The following DLGAP1 variants were observed in gnomAD, a reference collection of about 807,000 sequenced individuals.
DLGAP1 encodes disks large-associated protein 1.
Under a neutral mutation model 90.8 loss-of-function variants are expected in DLGAP1, and 11 were observed. The observed-to-expected ratio is 0.12, with a 90% CI of 0.08 to 0.20. The LOEUF (loss-of-function observed/expected upper bound fraction) is 0.20. Among genes scored for constraint, DLGAP1 ranks in the 10% least tolerant of loss-of-function variants. The probability of loss-of-function intolerance (pLI) is 1.00; values close to 1 mark genes in which losing one functional copy is unlikely to be tolerated. For missense variants in DLGAP1, 1,050 were observed against 1,333.8 expected (o/e 0.79, Z 3.31); for synonymous variants, 558 against 540.7 (o/e 1.03, Z -0.44).
At chr18:3,914,491 C>A (rs2083670) in intron 3 of DLGAP1, among the ~76,000 whole-genome samples, 2,584 of 152,114 alleles carry the variant, frequency 0.017, 73 homozygotes, top group African/African-American at 0.059. Context: ...TTGTGAATAA[C>A]CCTGCAGTGA....
Position 3,718,242 on chromosome 18 carries a change from C to T in DLGAP1, c.1591+10893G>A, listed in dbSNP as rs775272206. Among the ~76,000 whole-genome samples the T allele has an allele frequency of 3.2e-4, 48 of 151,998 alleles. 1 individual carries two copies. Among genetic ancestry groups the T allele is most frequent in the Admixed American group, 9.2e-4 (14 of 15,252 alleles). ...TTGGGAGGCTGAGGTGGGCGGATCA[C>T]GAGGTCAGGAGCTCGAGACCAGCCT... On this transcript the variant is annotated intron_variant, in intron 7 of 12. Coordinates refer to ENST00000315677, the MANE Select transcript of DLGAP1 (RefSeq NM_004746.4).
intron 7 of DLGAP1, among the ~76,000 whole-genome samples, chr18:3,612,154 G>T (rs2057665122): frequency 6.6e-6 from 1 of 152,216 alleles, no homozygotes; most frequent in East Asian, 1.9e-4. Context: ...CCAGGAGTTT[G>T]AGTCCAGCCT....
intron 2 of DLGAP1, among the ~76,000 whole-genome samples, chr18:4,116,454 C>T (rs1345141597): frequency 2.0e-5 from 3 of 151,912 alleles, no homozygotes; most frequent in Non-Finnish European, 4.4e-5. Context: ...TTCTCTTTCT[C>T]TTCTCCTTCT....
chr18:3,897,838 ACTGC>A, intron 3 of DLGAP1, among the ~76,000 whole-genome samples: 1 of 123,996 alleles, frequency 8.1e-6, no homozygotes, highest in Non-Finnish European at 1.6e-5. Flanking sequence ...CCCAGGCCGG[ACTGC>A]GGACTGCAGT....
intron 3 of DLGAP1, among the ~76,000 whole-genome samples, chr18:3,910,073 T>A (rs2071998557): frequency 6.6e-6 from 1 of 151,242 alleles, no homozygotes; most frequent in Non-Finnish European, 1.5e-5. Flanking sequence ...TTTTTCATGA[T>A]TAAAAACTTT....
In DLGAP1 at chr18:3,898,010, G is replaced by A. The variant is rs1034249999; in HGVS notation, c.-72-17870C>T. On this transcript the variant is annotated intron_variant, in intron 3 of 12. Transcript: ENST00000315677. ...GGGGTTTCACCTTGTTAGCCAGGAT[G>A]GTCTCGATCTCCTGACCTCGTGATC... Among the ~76,000 whole-genome samples the A allele has an allele frequency of 5.1e-4, 78 of 151,960 alleles. 2 individuals are homozygous for A. Among genetic ancestry groups the A allele is most frequent in the South Asian group, 4.2e-4 (2 of 4,792 alleles).
chr18:3,996,439 A>AT (rs1405973500), intron 3 of DLGAP1, among the ~76,000 whole-genome samples: 2 of 152,014 alleles, frequency 1.3e-5, no homozygotes, highest in Admixed American at 6.6e-5. Flanking sequence ...ATCTGAATCT[A>AT]TTTTTTTCAA....
At chr18:3,592,169 A>G (rs1302347033) in intron 7 of DLGAP1, among the ~76,000 whole-genome samples, 1 of 152,240 alleles carries the variant, frequency 6.6e-6, no homozygotes, top group African/African-American at 2.4e-5. Context: ...AAGAGCTCCA[A>G]CGAGGCTGTC....
chr18:4,326,768 G>T (rs1255806222), intron 1 of DLGAP1, among the ~76,000 whole-genome samples: 1 of 152,032 alleles, frequency 6.6e-6, no homozygotes, highest in Non-Finnish European at 1.5e-5. Context: ...AACAAATACT[G>T]CATGTTCTCA....
chr18:3,805,587 G>C (rs2066524543), intron 5 of DLGAP1, among the ~76,000 whole-genome samples: 1 of 152,220 alleles, frequency 6.6e-6, no homozygotes, highest in Admixed American at 6.5e-5. Context: ...AGGAAGAGAA[G>C]TGATATATTT....
intron 1 of DLGAP1, among the ~76,000 whole-genome samples, chr18:4,224,362 T>G (rs573671574): frequency 1.3e-5 from 2 of 152,144 alleles, no homozygotes; most frequent in Non-Finnish European, 2.9e-5. Context: ...AGGTATCAGT[T>G]TGGCCATAAG....
At chr18:4,363,147 A>G (rs934620563) in intron 1 of DLGAP1, among the ~76,000 whole-genome samples, 8 of 152,188 alleles carry the variant, frequency 5.3e-5, no homozygotes, top group African/African-American at 1.9e-4. Context: ...AAGCTCCCCA[A>G]TATTCCTTGT....
chr18:4,256,943 C>T (rs2078899652), intron 1 of DLGAP1, among the ~76,000 whole-genome samples: 2 of 152,122 alleles, frequency 1.3e-5, no homozygotes, highest in African/African-American at 2.4e-5. Context: ...GCACAGAGCA[C>T]GTGTGAACAG....
At chr18:3,772,386 T>TTCTTTCTTTC in intron 5 of DLGAP1, among the ~76,000 whole-genome samples, 1 of 9,604 alleles carries the variant, frequency 1.0e-4, no homozygotes, top group Non-Finnish European at 6.4e-4. Context: ...CTTTCTTTCT[T>TTCTTTCTTTC]TCTTTCTTTC....
rs1281019721 is a variant in DLGAP1, at chr18:4,061,661, GGTATTT to G, written c.-158-56466_-158-56461del. 2.0e-5 allele frequency among the ~76,000 whole-genome samples: 3 copies of G among 152,090 alleles called. No individual in the cohort carries two copies. In the East Asian group the frequency reaches 5.8e-4, roughly 29 times the overall value. Reference sequence around the variant, plus strand: ...AGGTACAATTTGGATTTCTTTGGATGGTATTTGTATAAGTGTGTTACTGGTATGTAT... The same window carrying G: ...AGGTACAATTTGGATTTCTTTGGATGGTATAAGTGTGTTACTGGTATGTAT... On this transcript the variant is annotated intron_variant, in intron 2 of 12. Transcript: ENST00000315677.
chr18:4,114,761 T>C (rs1331771566), intron 2 of DLGAP1, among the ~76,000 whole-genome samples: 4 of 152,140 alleles, frequency 2.6e-5, no homozygotes, highest in Non-Finnish European at 5.9e-5. Context: ...CTCATATTTA[T>C]ATGGCCACTC....
At chr18:4,401,376 C>T (rs1369242391) in intron 1 of DLGAP1, among the ~76,000 whole-genome samples, 2 of 152,104 alleles carry the variant, frequency 1.3e-5, no homozygotes, top group Non-Finnish European at 2.9e-5. Flanking sequence ...CTGTATAGAA[C>T]AAAAAGGCCA....
chr18:4,204,779 C>T (rs1438113592), intron 1 of DLGAP1, among the ~76,000 whole-genome samples: 1 of 151,948 alleles, frequency 6.6e-6, no homozygotes, highest in African/African-American at 2.4e-5. Flanking sequence ...GTTGGATGTT[C>T]CATGAAGGTC....
In DLGAP1 at chr18:3,906,571, G is replaced by A. The variant is rs74871734; in HGVS notation, c.-72-26431C>T. Among the ~76,000 whole-genome samples, 798 of 152,194 alleles carry A rather than the reference G, an allele frequency of 5.2e-3. 3 individuals are homozygous for A. Among genetic ancestry groups the A allele is most frequent in the Non-Finnish European group, 8.5e-3 (579 of 68,008 alleles). ...TAGTGTAATTTGAAATTATAATTACGTAATTTAAATGTTACAAAAAGTGCT... is the reference window on the plus strand; with the variant it reads ...TAGTGTAATTTGAAATTATAATTACATAATTTAAATGTTACAAAAAGTGCT... On this transcript the variant is annotated intron_variant, in intron 3 of 12. Transcript: ENST00000315677.
Sources: allele counts gnomAD v4.1 joint callset (sites outside exome capture counted in the v4.1 genomes callset), GRCh38; gene constraint gnomAD v4.1.1; transcripts MANE v1.5; gene names NCBI Gene and HGNC (gene_info 2026-07-23, HGNC 2026-07-21).